Variants in DAB1 observed in about 807,000 individuals in gnomAD.
DAB1 encodes the protein DAB adaptor protein 1, also known as disabled homolog 1.
A neutral mutation model predicts 64.6 loss-of-function variants in DAB1; 15 were observed. The observed-to-expected ratio is 0.23, with a 90% CI of 0.16 to 0.36. The LOEUF is 0.36. Ranked by LOEUF, DAB1 falls within the 10% of genes least tolerant of loss-of-function variation. The probability of loss-of-function intolerance (pLI) is 1.00; values close to 1 mark genes in which losing one functional copy is unlikely to be tolerated. For synonymous variants in DAB1, 235 were observed against 251.9 expected (o/e 0.93, Z 0.64); for missense variants, 596 against 706.7 (o/e 0.84, Z 1.78).
At chr1:57,098,071 C>T (rs1654337880) in intron 4 of DAB1, among the ~76,000 whole-genome samples, 1 of 152,172 alleles carries the variant, frequency 6.6e-6, no homozygotes, top group Non-Finnish European at 1.5e-5. Context: ...GCCACCGCAC[C>T]CAGCAGGAAC....
chr1:58,300,616 G>GGA lies in DAB1; in HGVS notation n.309+42735_309+42736insTC, dbSNP rs1557726097. Among the ~76,000 whole-genome samples, 10 of 44,084 alleles carry GGA rather than the reference G, an allele frequency of 2.3e-4. 1 individual carries two copies. The highest frequency in any genetic ancestry group is 7.3e-4 in the African/African-American group (10 of 13,634). The allele number at this position is 44,084 out of a possible 152,430, so 28.9% of individuals were successfully genotyped here. A position where few individuals can be genotyped will look rare whatever the true frequency, so the allele number is the denominator to read the frequency against. ...AGAAAGAAAGAAAGAAAGAAAGAGA[G>GGA]AGAGAGAGAGAGAGAGAGAGAGAGA... On this transcript the variant is annotated intron_variant and non_coding_transcript_variant, in intron 4 of 20. Coordinates refer to the DAB1 transcript ENST00000485760.
At chr1:58,382,049 CT>C (rs1644395035) in intron 3 of DAB1, among the ~76,000 whole-genome samples, 1 of 152,212 alleles carries the variant, frequency 6.6e-6, no homozygotes, top group South Asian at 2.1e-4. Flanking sequence ...GACTTTAGCT[CT>C]GCTTTGAGAA....
intron 6 of DAB1, among the ~76,000 whole-genome samples, chr1:57,740,539 A>T (rs908304047): frequency 3.9e-5 from 6 of 152,246 alleles, no homozygotes; most frequent in Non-Finnish European, 8.8e-5. Flanking sequence ...CTTATGTGGA[A>T]GTATTACATA....
chr1:58,045,621 T>C (rs932652753), intron 5 of DAB1, among the ~76,000 whole-genome samples: 5 of 127,046 alleles, frequency 3.9e-5, no homozygotes, highest in Non-Finnish European at 9.3e-5. Context: ...TTGCTAGGAA[T>C]ATTTTTTTTC....
At chr1:58,347,354 C>A (rs1414355509) in intron 3 of DAB1, among the ~76,000 whole-genome samples, 1 of 152,278 alleles carries the variant, frequency 6.6e-6, no homozygotes, top group African/African-American at 2.4e-5. Flanking sequence ...GCGATTCACC[C>A]GCCTCAGCTT....
At chr1:57,199,234 T>A (rs1228814731) in intron 2 of DAB1, among the ~76,000 whole-genome samples, 1 of 152,220 alleles carries the variant, frequency 6.6e-6, no homozygotes, top group Non-Finnish European at 1.5e-5. Flanking sequence ...CAGCTTTTAA[T>A]AACTTCTCTT....
At chr1:57,736,741 A>G (rs1647709419) in intron 6 of DAB1, among the ~76,000 whole-genome samples, 1 of 151,894 alleles carries the variant, frequency 6.6e-6, no homozygotes, top group Admixed American at 6.6e-5. Context: ...CTGCCTCTCC[A>G]TCCTTCCCTC....
At chr1:57,266,461 T>A (rs920626079) in intron 2 of DAB1, among the ~76,000 whole-genome samples, 10 of 152,212 alleles carry the variant, frequency 6.6e-5, no homozygotes, top group Non-Finnish European at 1.5e-4. Flanking sequence ...AATAAACTTC[T>A]AATCAACTTT....
chr1:58,115,928 T>C (rs1652299703), intron 5 of DAB1, among the ~76,000 whole-genome samples: 1 of 140,042 alleles, frequency 7.1e-6, no homozygotes, highest in East Asian at 2.0e-4. Context: ...GCATGGCACA[T>C]GTATACATAT....
chr1:57,872,631 T>C (rs1033158441), intron 1 of DAB1, among the ~76,000 whole-genome samples: 4 of 152,108 alleles, frequency 2.6e-5, no homozygotes, highest in South Asian at 2.1e-4. Context: ...GCAGTCCCCA[T>C]TGGGAGAACA....
At chr1:57,552,919 A>C (rs1375164964) in intron 7 of DAB1, among the ~76,000 whole-genome samples, 2 of 152,116 alleles carry the variant, frequency 1.3e-5, no homozygotes, top group East Asian at 1.9e-4. Context: ...TTATTGATGG[A>C]GAGTAGGTGA....
chr1:57,072,681 G>A (rs959161968), intron 4 of DAB1, among the ~76,000 whole-genome samples: 1 of 152,214 alleles, frequency 6.6e-6, no homozygotes, highest in Non-Finnish European at 1.5e-5. Context: ...CAGCTTGCTA[G>A]AGCCAGCCAG....
chr1:57,091,617 G>A (rs539154536), intron 4 of DAB1, among the ~76,000 whole-genome samples: 2 of 152,294 alleles, frequency 1.3e-5, no homozygotes, highest in African/African-American at 2.4e-5. Flanking sequence ...AGCAGCAAGT[G>A]CAGAGGTTAA....
intron 4 of DAB1, among the ~76,000 whole-genome samples, chr1:58,160,106 T>C (rs1488395301): frequency 6.6e-6 from 1 of 151,882 alleles, no homozygotes; most frequent in African/African-American, 2.4e-5. Flanking sequence ...TAATGGCAGG[T>C]AGGAACAAGA....
intron 2 of DAB1, among the ~76,000 whole-genome samples, chr1:58,517,650 G>C (rs1267977519): frequency 2.6e-5 from 4 of 152,022 alleles, no homozygotes; most frequent in Non-Finnish European, 5.9e-5. Context: ...TCTGTCTCTT[G>C]AATTCTAATG....
chr1:58,274,653 G>A (rs1049750412), intron 4 of DAB1, among the ~76,000 whole-genome samples: 6 of 152,236 alleles, frequency 3.9e-5, no homozygotes, highest in African/African-American at 1.4e-4. Flanking sequence ...CTAGCAGTCA[G>A]CGAGATTCCG....
intron 4 of DAB1, among the ~76,000 whole-genome samples, chr1:58,289,697 T>G (rs1569606670): frequency 6.6e-6 from 1 of 152,222 alleles, no homozygotes; most frequent in African/African-American, 2.4e-5. Context: ...TTGCTACGGA[T>G]TCTTACATGC....
chr1:57,347,711 G>A (rs1678231339), intron 1 of DAB1, among the ~76,000 whole-genome samples: 1 of 152,106 alleles, frequency 6.6e-6, no homozygotes, highest in Non-Finnish European at 1.5e-5. Flanking sequence ...CTAATTATCA[G>A]CACTAATGAA....
intron 6 of DAB1, among the ~76,000 whole-genome samples, chr1:57,706,866 A>C (rs984756627): frequency 6.6e-6 from 1 of 152,050 alleles, no homozygotes; most frequent in African/African-American, 2.4e-5. Flanking sequence ...TGAGGTCAGG[A>C]GTTCGAGACC....
Sources: gnomAD v4.1 joint callset for allele counts (sites outside exome capture counted in the v4.1 genomes callset) on GRCh38, gnomAD v4.1.1 for gene constraint, MANE v1.5 for transcripts, NCBI Gene and HGNC (gene_info 2026-07-23, HGNC 2026-07-21) for gene names.